PTK7: variants seen among roughly 807,000 people sequenced by gnomAD.
PTK7 encodes the protein inactive tyrosine-protein kinase 7.
In PTK7, 39 loss-of-function variants were observed where a neutral mutation model predicts 116.6. The ratio of observed to expected loss-of-function variants is 0.33; its 90% CI spans 0.26 to 0.44. The LOEUF is 0.44. Among genes scored for constraint, PTK7 ranks in the 20% least tolerant of loss-of-function variants. The pLI is 1.00. For missense variants in PTK7, 1,169 were observed against 1,425.6 expected (o/e 0.82, Z 2.90); for synonymous variants, 546 against 563.6 (o/e 0.97, Z 0.44).
rs1769554715 is a variant in PTK7 at position 43,129,950 on chromosome 6, A to C, written c.470+121A>C. 11 of 1,025,384 alleles carry C rather than the reference A, an allele frequency of 1.1e-5. No homozygotes were observed. Among genetic ancestry groups the C allele is most frequent in the Admixed American group, 2.0e-5 (1 of 48,836 alleles). 63.5% of individuals were successfully genotyped at this position (1,025,384 alleles called of 1,614,324 possible). A position where few individuals can be genotyped will look rare whatever the true frequency, so the allele number is the denominator to read the frequency against. On this transcript the variant is annotated intron_variant, in intron 3 of 19. Transcript: ENST00000230419. This position sits in a 1 kb window ranked among gnomAD's most constrained non-coding sequence, Gnocchi z 4.5. The stretch of plus-strand genomic sequence containing the variant: ...CTGTGACCACTCGTTCCACCACCAC[A>C]GTGCTCTTCACCCTGCCCTCCCCCA...
Position 43,129,801 on chromosome 6 carries a change from C to T in PTK7, c.442C>T (p.Leu148Phe). 6.2e-7 allele frequency: 1 copy of T among 1,614,230 alleles called. No individual in the cohort carries two copies. Among genetic ancestry groups the T allele is most frequent in the Non-Finnish European group, 8.5e-7 (1 of 1,180,036 alleles). Residue 148 changes from leucine to phenylalanine, a missense_variant, in exon 3 of 20, where the codon CTT (leucine) becomes TTT (phenylalanine). Around this residue, in one of 3 missense-constraint regions of PTK7, gnomAD observed 487 missense variants for 549.8 expected, o/e 0.89. Coordinates refer to ENST00000230419, the MANE Select transcript of PTK7 (RefSeq NM_002821.5). This position sits in a 1 kb window ranked among gnomAD's most constrained non-coding sequence, Gnocchi z 4.5. ...GATCCAGCCACAGACCCAGGTCACA[C>T]TTCGTTGCCACATTGATGGGCACCC... is the stretch of plus-strand genomic sequence containing the variant. ...AEIQPQTQVT[L>F]RCHIDGHPRP...
chr6:43,160,006 C>T, intron 19 of PTK7, 40 bp downstream of exon 19: 1 of 1,588,338 alleles, frequency 6.3e-7, no homozygotes, highest in Non-Finnish European at 8.6e-7. Flanking sequence ...CCAGATGGGC[C>T]CCAGATGGGG....
chr6:43,156,732 C>T lies in PTK7; in HGVS notation c.2722-2085C>T, dbSNP rs558918117. Among the ~76,000 whole-genome samples the T allele has an allele frequency of 4.6e-5, 7 of 152,114 alleles. No homozygotes were observed. In the East Asian group the frequency reaches 9.7e-4, roughly 21 times the overall value. On this transcript the variant is annotated intron_variant, in intron 17 of 19. Coordinates refer to ENST00000230419, the MANE Select transcript of PTK7 (RefSeq NM_002821.5). ...CCAACATGATGAAACCCCATCTCTA[C>T]TGAAAATACAAAAATTAGCTAGGCG... is the stretch of plus-strand genomic sequence containing the variant.
chr6:43,106,892 A>C (rs926877070), intron 1 of PTK7, among the ~76,000 whole-genome samples: 3 of 148,386 alleles, frequency 2.0e-5, no homozygotes, highest in African/African-American at 7.5e-5. Flanking sequence ...CTGGGATTAC[A>C]GGTGTGAGCC....
chr6:43,116,101 G>A (rs1053317665), intron 1 of PTK7, among the ~76,000 whole-genome samples: 1 of 151,974 alleles, frequency 6.6e-6, no homozygotes, highest in Non-Finnish European at 1.5e-5. Flanking sequence ...TGTATCCCAG[G>A]TTGGGCCTAA....
rs112027064 is a variant in PTK7, at chr6:43,150,872, A to G, written c.2721+4174A>G. Among the ~76,000 whole-genome samples, 613 of 128,714 alleles carry G rather than the reference A, an allele frequency of 4.8e-3. 3 individuals are homozygous for G. Among genetic ancestry groups the G allele is most frequent in the African/African-American group, 0.017 (575 of 33,256 alleles). 84.4% of individuals were successfully genotyped at this position (128,714 alleles called of 152,430 possible). On this transcript the variant is annotated intron_variant, in intron 17 of 19. Coordinates refer to ENST00000230419, the MANE Select transcript of PTK7 (RefSeq NM_002821.5). ...ACTCAGGCTGGGTTGCAGTGGCACCATCTCGGCTCACTGCAGCCTCCGCCT... is the reference window on the plus strand; with the variant it reads ...ACTCAGGCTGGGTTGCAGTGGCACCGTCTCGGCTCACTGCAGCCTCCGCCT...
At chr6:43,137,637 G>T (rs895463052) in intron 7 of PTK7, among the ~76,000 whole-genome samples, 3 of 152,218 alleles carry the variant, frequency 2.0e-5, no homozygotes, top group African/African-American at 7.2e-5. Flanking sequence ...GACTGGATGA[G>T]TGAGTGTTGC....
At chr6:43,083,196 C>T (rs1412468186) in intron 1 of PTK7, among the ~76,000 whole-genome samples, 1 of 152,248 alleles carries the variant, frequency 6.6e-6, no homozygotes, top group African/African-American at 2.4e-5. Context: ...CCCTCAACCT[C>T]CTGCTCTCCC....
intron 1 of PTK7, among the ~76,000 whole-genome samples, chr6:43,118,054 G>A (rs1768664762): frequency 6.6e-6 from 1 of 151,362 alleles, no homozygotes; most frequent in Admixed American, 6.6e-5. Flanking sequence ...AGCAAGAAGT[G>A]GGCAGTCAGA....
At chr6:43,080,452 G>A (rs1321873439) in intron 1 of PTK7, among the ~76,000 whole-genome samples, 1 of 152,154 alleles carries the variant, frequency 6.6e-6, no homozygotes, top group African/African-American at 2.4e-5. Context: ...CTTTTTTATT[G>A]TTGTATTGTT....
In PTK7 at chr6:43,132,490, T is replaced by G; in HGVS notation, c.1031T>G (p.Leu344Arg). Reference protein sequence around the residue: ...TAGSEERVTCLPPKGLPEPSV... With the variant: ...TAGSEERVTCRPPKGLPEPSV... Reference sequence around the variant, plus strand: ...GGCAGCGAGGAGCGTGTGACCTGCCTTCCCCCCAAGGGTCTGCCAGAGCCC... The same window carrying G: ...GGCAGCGAGGAGCGTGTGACCTGCCGTCCCCCCAAGGGTCTGCCAGAGCCC... Residue 344 changes from leucine to arginine, a missense_variant, in exon 7 of 20, where the codon CTT (leucine) becomes CGT (arginine). Coordinates refer to ENST00000230419, the MANE Select transcript of PTK7 (RefSeq NM_002821.5). 1 of 1,605,344 alleles carries G rather than the reference T, an allele frequency of 6.2e-7. No individual in the cohort carries two copies. Among genetic ancestry groups the G allele is most frequent in the Non-Finnish European group, 8.5e-7 (1 of 1,173,094 alleles).
intron 19 of PTK7, 151 bp from the exon 20 acceptor site, chr6:43,160,570 C>G (rs1237695897): frequency 3.1e-6 from 3 of 967,864 alleles, no homozygotes; most frequent in Non-Finnish European, 4.6e-6. Flanking sequence ...GGGGAGTCAT[C>G]TTTTTCCGTT....
chr6:43,138,947 G>A lies in PTK7; in HGVS notation c.1327G>A (p.Val443Ile), dbSNP rs368499752. 10 of 1,614,042 alleles carry A rather than the reference G, an allele frequency of 6.2e-6. No homozygotes were observed. The highest frequency in any genetic ancestry group is 8.5e-6 in the Non-Finnish European group (10 of 1,180,046). Reference sequence around the variant, plus strand: ...GACCCAGGCCACACCAAAACCTACAGTTGTCTGGTACAGAAACCAGATGCT... The same window carrying A: ...GACCCAGGCCACACCAAAACCTACAATTGTCTGGTACAGAAACCAGATGCT... ...CLTQATPKPTVVWYRNQMLIS... is the reference protein window; with the variant it reads ...CLTQATPKPTIVWYRNQMLIS... Residue 443 changes from valine to isoleucine, a missense_variant, in exon 8 of 20, where the codon GTT becomes ATT. Val to Ile is a conservative substitution (Grantham distance 29, BLOSUM62 3). Around this residue, in one of 3 missense-constraint regions of PTK7, gnomAD observed 678 missense variants for 853.8 expected, o/e 0.79. Transcript: ENST00000230419.
At chr6:43,087,561 A>G (rs950643099) in intron 1 of PTK7, among the ~76,000 whole-genome samples, 6 of 152,148 alleles carry the variant, frequency 3.9e-5, no homozygotes, top group African/African-American at 1.4e-4. Flanking sequence ...ATACCTCTTG[A>G]GCCTGAGGAA....
chr6:43,078,515 C>G (rs949185313), intron 1 of PTK7, among the ~76,000 whole-genome samples: 1 of 143,338 alleles, frequency 7.0e-6, no homozygotes, highest in Non-Finnish European at 1.5e-5. Context: ...CACCCCCAGA[C>G]GCATGACTTC....
chr6:43,134,535 A>G (rs1165797535), intron 7 of PTK7, among the ~76,000 whole-genome samples: 2 of 151,944 alleles, frequency 1.3e-5, no homozygotes, highest in African/African-American at 4.8e-5. Flanking sequence ...TAATCCCAGC[A>G]CTTTGGGAGG....
At chr6:43,135,033 C>T (rs1479849247) in intron 7 of PTK7, among the ~76,000 whole-genome samples, 1 of 152,098 alleles carries the variant, frequency 6.6e-6, no homozygotes, top group African/African-American at 2.4e-5. Flanking sequence ...GCTTCCAACC[C>T]AGGCTCTAGG....
intron 1 of PTK7, among the ~76,000 whole-genome samples, chr6:43,101,863 A>AT (rs1394871154): frequency 1.3e-5 from 2 of 152,166 alleles, no homozygotes; most frequent in African/African-American, 4.8e-5. Flanking sequence ...ATTCCCAAAA[A>AT]TGCATGGGTG....
intron 1 of PTK7, among the ~76,000 whole-genome samples, chr6:43,101,680 T>G (rs1023724728): frequency 6.6e-6 from 1 of 152,184 alleles, no homozygotes; most frequent in Non-Finnish European, 1.5e-5. Flanking sequence ...AAGGAACAGA[T>G]GGACAACAGC....
Sources: allele counts gnomAD v4.1 joint callset (sites outside exome capture counted in the v4.1 genomes callset), GRCh38; gene constraint gnomAD v4.1.1; regional missense constraint gnomAD v4.1.1; non-coding constraint Gnocchi (gnomAD v3.1); transcripts MANE v1.5; gene names NCBI Gene and HGNC (gene_info 2026-07-23, HGNC 2026-07-21).